KIAA1958: variants seen among roughly 807,000 people sequenced by gnomAD.
The protein encoded by KIAA1958 is KIAA1958, also known as uncharacterized protein KIAA1958.
KIAA1958 carries 14 observed loss-of-function variants against 47.2 expected under a neutral mutation model. The observed-to-expected ratio is 0.30, with a 90% CI of 0.20 to 0.46. KIAA1958 has a LOEUF of 0.46. Among genes scored for constraint, KIAA1958 ranks in the 20% least tolerant of loss-of-function variants. The pLI, the probability that KIAA1958 is intolerant of heterozygous loss-of-function variation, is 1.00. For synonymous variants in KIAA1958, 354 were observed against 353.3 expected (o/e 1.00, Z -0.02); for missense variants, 803 against 909.2 (o/e 0.88, Z 1.50).
At chr9:112,561,098 A>C (rs1366925854) in intron 1 of KIAA1958, among the ~76,000 whole-genome samples, 1 of 145,250 alleles carries the variant, frequency 6.9e-6, no homozygotes. Flanking sequence ...TCTGTTGCCC[A>C]GGCTGGAGTG....
chr9:112,621,457 T>G (rs1158934642), intron 2 of KIAA1958, among the ~76,000 whole-genome samples: 1 of 152,188 alleles, frequency 6.6e-6, no homozygotes, highest in Non-Finnish European at 1.5e-5. Context: ...CACAGTAAGT[T>G]TGTCTTAAGG....
chr9:112,506,716 T>C (rs1416530057), intron 1 of KIAA1958, among the ~76,000 whole-genome samples: 1 of 152,090 alleles, frequency 6.6e-6, no homozygotes, highest in Non-Finnish European at 1.5e-5. Flanking sequence ...TTTTTTTTTT[T>C]CTTGTAAACA....
chr9:112,498,525 G>T (rs1375176093), intron 1 of KIAA1958, among the ~76,000 whole-genome samples: 1 of 151,900 alleles, frequency 6.6e-6, no homozygotes, highest in Non-Finnish European at 1.5e-5. Flanking sequence ...CCAAAATCTT[G>T]TTTAAACAGC....
chr9:112,499,818 A>G (rs1217146588), intron 1 of KIAA1958, among the ~76,000 whole-genome samples: 2 of 150,204 alleles, frequency 1.3e-5, no homozygotes, highest in Non-Finnish European at 3.0e-5. Context: ...CCTCCCGAGT[A>G]GCTGGGACTA....
At chr9:112,503,638 G>C (rs1010214209) in intron 1 of KIAA1958, among the ~76,000 whole-genome samples, 3 of 144,908 alleles carry the variant, frequency 2.1e-5, no homozygotes, top group African/African-American at 7.6e-5. Flanking sequence ...AAAAAAAAAG[G>C]TCAAGGGCTC....
At position 112,666,983 on chromosome 9, in the gene KIAA1958, GC is replaced by G. The variant is rs1273553412; in HGVS notation, c.*6917del. Reference sequence around the variant, plus strand: ...CCTATGGTGGCATCCCAAGAATAAAGCCCTTTAGGTGAAGGTAGAAACAATA... The same window carrying G: ...CCTATGGTGGCATCCCAAGAATAAAGCCTTTAGGTGAAGGTAGAAACAATA... On this transcript the variant is annotated 3_prime_UTR_variant, in exon 4 of 4. Coordinates refer to ENST00000337530, the MANE Select transcript of KIAA1958 (RefSeq NM_133465.4). 3.3e-5 allele frequency: 5 copies of G among 152,194 alleles called. No individual in the cohort carries two copies. Among genetic ancestry groups the G allele is most frequent in the Admixed American group, 6.5e-5 (1 of 15,278 alleles). The allele number at this position is 152,194 out of a possible 1,614,324, so 9.4% of individuals were successfully genotyped here. A position where few individuals can be genotyped will look rare whatever the true frequency, so the allele number is the denominator to read the frequency against.
intron 2 of KIAA1958, 121 bp downstream of exon 2, chr9:112,575,372 G>T: frequency 1.6e-6 from 1 of 643,226 alleles, no homozygotes; most frequent in South Asian, 2.7e-5. Flanking sequence ...GTCATAGAAA[G>T]ATAGAAACAA....
intron 2 of KIAA1958, among the ~76,000 whole-genome samples, chr9:112,581,500 G>A (rs2676619): frequency 0.31 from 46,453 of 151,852 alleles, 7,494 homozygotes; most frequent in African/African-American, 0.41. Context: ...AGGAGGCCGC[G>A]AGGAAAGACC....
chr9:112,541,210 G>A (rs896348179), intron 1 of KIAA1958, among the ~76,000 whole-genome samples: 1 of 151,978 alleles, frequency 6.6e-6, no homozygotes, highest in Non-Finnish European at 1.5e-5. Flanking sequence ...AAGCGTCCTT[G>A]TTTTAAATTT....
intron 2 of KIAA1958, among the ~76,000 whole-genome samples, chr9:112,585,045 C>T (rs1323815149): frequency 5.3e-5 from 8 of 152,146 alleles, no homozygotes; most frequent in Admixed American, 5.2e-4. Context: ...TCAAAAAGGA[C>T]CTAGAGTTTA....
intron 2 of KIAA1958, among the ~76,000 whole-genome samples, chr9:112,612,400 C>G (rs1389398588): frequency 6.6e-6 from 1 of 151,870 alleles, no homozygotes; most frequent in Non-Finnish European, 1.5e-5. Flanking sequence ...AGAGTGAGAC[C>G]CTGTCTCAAA....
intron 2 of KIAA1958, among the ~76,000 whole-genome samples, chr9:112,642,013 C>A (rs536773824): frequency 6.6e-6 from 1 of 152,148 alleles, no homozygotes; most frequent in African/African-American, 2.4e-5. Context: ...TTTCTGCTTG[C>A]GTAGCTTGGT....
rs1834071117 is a variant in KIAA1958 at position 112,497,884 on chromosome 9, A to G, written c.-25+10766A>G. Among the ~76,000 whole-genome samples, 4 of 152,228 alleles carry G rather than the reference A, an allele frequency of 2.6e-5. No individual in the cohort carries two copies. The South Asian group carries it at 8.3e-4, about 32-fold the overall frequency. On this transcript the variant is annotated intron_variant, in intron 1 of 3. Coordinates refer to ENST00000337530, the MANE Select transcript of KIAA1958 (RefSeq NM_133465.4). ...TCAGCATCTATTGTCTTGCTTGCTT[A>G]GGAGTCCTTTATTTATTTTTAAGTA...
intron 2 of KIAA1958, among the ~76,000 whole-genome samples, chr9:112,604,373 G>T (rs999669111): frequency 6.6e-6 from 1 of 152,130 alleles, no homozygotes; most frequent in Non-Finnish European, 1.5e-5. Context: ...AAAACTTTTC[G>T]ATCTGTCGGC....
intron 2 of KIAA1958, among the ~76,000 whole-genome samples, chr9:112,580,631 A>G (rs1196536130): frequency 1.3e-5 from 2 of 152,108 alleles, no homozygotes; most frequent in Non-Finnish European, 2.9e-5. Context: ...TTCTGAAAAT[A>G]CAAAAATTAG....
At chr9:112,656,336 GCA>G (rs1172174839) in intron 3 of KIAA1958, among the ~76,000 whole-genome samples, 4 of 130,138 alleles carry the variant, frequency 3.1e-5, no homozygotes, top group Non-Finnish European at 6.2e-5. Context: ...TCATGCCTCT[GCA>G]CTCCAGCCTG....
chr9:112,534,918 T>C (rs1834825441), intron 1 of KIAA1958, among the ~76,000 whole-genome samples: 1 of 152,216 alleles, frequency 6.6e-6, no homozygotes, highest in Non-Finnish European at 1.5e-5. Flanking sequence ...ACTCAAATAT[T>C]TTCCCAGGGT....
At chr9:112,539,607 G>A (rs1341185024) in intron 1 of KIAA1958, among the ~76,000 whole-genome samples, 1 of 151,746 alleles carries the variant, frequency 6.6e-6, no homozygotes, top group Non-Finnish European at 1.5e-5. Context: ...AATTGATTGT[G>A]ATTCTAAAGT....
intron 2 of KIAA1958, among the ~76,000 whole-genome samples, chr9:112,599,504 A>G (rs1429067159): frequency 2.0e-5 from 3 of 152,220 alleles, no homozygotes; most frequent in Non-Finnish European, 2.9e-5. Context: ...CTGAAGAGTC[A>G]GATATTGAAA....
Sources: gnomAD v4.1 joint callset for allele counts (sites outside exome capture counted in the v4.1 genomes callset) on GRCh38, gnomAD v4.1.1 for gene constraint, MANE v1.5 for transcripts, NCBI Gene and HGNC (gene_info 2026-07-23, HGNC 2026-07-21) for gene names.